The following PABPC4L variants were observed in gnomAD, a reference collection of about 807,000 sequenced individuals.
PABPC4L encodes the protein polyadenylate-binding protein 4-like.
For missense variants in PABPC4L, 452 were observed against 451.4 expected, an observed-to-expected ratio of 1.00 and a Z score of -0.01; for synonymous variants, 169 against 164.1, an observed-to-expected ratio of 1.03 and a Z score of -0.23.
chr4:134,142,377 A>G, the PABPC4L span, among the ~76,000 whole-genome samples: 1 of 151,666 alleles, frequency 6.6e-6, no homozygotes, highest in African/African-American at 2.4e-5. Flanking sequence ...CGGGAAAAGC[A>G]TAGTCGAACC....
the PABPC4L span, among the ~76,000 whole-genome samples, chr4:134,190,911 C>T: frequency 6.6e-6 from 1 of 152,138 alleles, no homozygotes; most frequent in Non-Finnish European, 1.5e-5. Context: ...CTCGGCCTCC[C>T]AATGTGCTGG....
chr4:134,017,918 C>A, the PABPC4L span, among the ~76,000 whole-genome samples: 1 of 152,000 alleles, frequency 6.6e-6, no homozygotes, highest in African/African-American at 2.4e-5. Flanking sequence ...TTTCGCCGTC[C>A]CAACACTTTA....
chr4:134,148,763 A>T, the PABPC4L span, among the ~76,000 whole-genome samples: 1 of 152,146 alleles, frequency 6.6e-6, no homozygotes, highest in Non-Finnish European at 1.5e-5. Flanking sequence ...TATCCCTGCC[A>T]GTATACTAAC....
the PABPC4L span, among the ~76,000 whole-genome samples, chr4:134,100,619 T>A: frequency 1.4e-4 from 21 of 151,728 alleles, no homozygotes; most frequent in African/African-American, 5.1e-4. Context: ...TTTTACTACC[T>A]CTCTATGTAC....
chr4:134,141,803 G>T, the PABPC4L span, among the ~76,000 whole-genome samples: 5 of 151,726 alleles, frequency 3.3e-5, no homozygotes, highest in South Asian at 1.0e-3. Flanking sequence ...CATGTCAAAA[G>T]GTCATCAAGG....
chr4:134,017,594 G>GA, the PABPC4L span, among the ~76,000 whole-genome samples: 4 of 152,084 alleles, frequency 2.6e-5, no homozygotes, highest in Non-Finnish European at 5.9e-5. Context: ...TTGCTGGCAG[G>GA]ACTATGCTGA....
chr4:134,005,719 T>G, the PABPC4L span, among the ~76,000 whole-genome samples: 3 of 151,876 alleles, frequency 2.0e-5, no homozygotes, highest in East Asian at 5.8e-4. Context: ...TTAAGTTTAC[T>G]AGGAAAATCA....
At chr4:133,952,980 G>C in the PABPC4L span, among the ~76,000 whole-genome samples, 11 of 152,084 alleles carry the variant, frequency 7.2e-5, no homozygotes, top group Non-Finnish European at 1.2e-4. Context: ...CATTAGGGAG[G>C]AGCAAGCCAC....
chr4:134,163,802 T>C, the PABPC4L span, among the ~76,000 whole-genome samples: 2 of 152,118 alleles, frequency 1.3e-5, no homozygotes, highest in African/African-American at 4.8e-5. Context: ...TATCTCTTTA[T>C]TATAAAAATC....
At chr4:133,969,634 G>C in the PABPC4L span, among the ~76,000 whole-genome samples, 41 of 152,314 alleles carry the variant, frequency 2.7e-4, no homozygotes, top group African/African-American at 9.6e-4. Context: ...AGGATGCTTT[G>C]ATTAGCTAGC....
At chr4:134,010,956 G>C in the PABPC4L span, among the ~76,000 whole-genome samples, 1 of 152,026 alleles carries the variant, frequency 6.6e-6, no homozygotes, top group African/African-American at 2.4e-5. Flanking sequence ...TTGAAGAATA[G>C]AATATTATTT....
the PABPC4L span, among the ~76,000 whole-genome samples, chr4:134,178,033 G>A: frequency 9.2e-5 from 14 of 152,090 alleles, no homozygotes; most frequent in Middle Eastern, 3.4e-3. Context: ...CCCTATTTCT[G>A]GTAGCCAGGA....
chr4:134,090,668 C>A, the PABPC4L span, among the ~76,000 whole-genome samples: 1,927 of 151,546 alleles, frequency 0.013, 43 homozygotes, highest in African/African-American at 0.041. Context: ...GAGGCTGAGA[C>A]AAAAGGATTG....
chr4:134,050,371 C>T, the PABPC4L span, among the ~76,000 whole-genome samples: 1 of 151,968 alleles, frequency 6.6e-6, no homozygotes, highest in Non-Finnish European at 1.5e-5. Flanking sequence ...GTAATCGCTG[C>T]CATATTTAAA....
chr4:133,968,786 A>T, the PABPC4L span, among the ~76,000 whole-genome samples: 2 of 152,224 alleles, frequency 1.3e-5, no homozygotes, highest in Non-Finnish European at 2.9e-5. Flanking sequence ...ACAGGCAGGT[A>T]AAGACATAGG....
the PABPC4L span, among the ~76,000 whole-genome samples, chr4:134,105,081 T>C: frequency 2.0e-5 from 3 of 151,732 alleles, no homozygotes; most frequent in Admixed American, 6.6e-5. Flanking sequence ...TACAACTATG[T>C]GATTAAGTGT....
At chr4:134,191,704 C>G (rs1446960967), downstream of PABPC4L, among the ~76,000 whole-genome samples, 1 of 151,916 alleles carries the variant, frequency 6.6e-6, no homozygotes, top group African/African-American at 2.4e-5. Context: ...ACACAACACA[C>G]CAACATATTG....
chr4:134,130,739 C>T, the PABPC4L span, among the ~76,000 whole-genome samples: 22 of 151,970 alleles, frequency 1.4e-4, no homozygotes, highest in African/African-American at 5.1e-4. Flanking sequence ...GGCCAATATC[C>T]CTTATGAACA....
the PABPC4L span, among the ~76,000 whole-genome samples, chr4:134,029,974 TC>T: frequency 1.3e-5 from 2 of 151,890 alleles, no homozygotes; most frequent in African/African-American, 4.8e-5. Context: ...AGGAGATTTT[TC>T]CCCTTTGGCT....
Sources: allele counts gnomAD v4.1 joint callset (sites outside exome capture counted in the v4.1 genomes callset), GRCh38; gene constraint gnomAD v4.1.1; transcripts MANE v1.5; gene names NCBI Gene and HGNC (gene_info 2026-07-23, HGNC 2026-07-21).